Variants in ZFYVE9 observed in about 807,000 individuals in gnomAD.
The protein encoded by ZFYVE9 is zinc finger FYVE-type containing 9, also known as zinc finger FYVE domain-containing protein 9.
In ZFYVE9, 43 loss-of-function variants were observed where a neutral mutation model predicts 126.7. The ratio of observed to expected loss-of-function variants is 0.34; its 90% confidence interval spans 0.27 to 0.44. The LOEUF is 0.44. Ranked by LOEUF, ZFYVE9 falls within the 20% of genes least tolerant of loss-of-function variation. The pLI is 1.00. For missense variants in ZFYVE9, 1,476 were observed against 1,697.0 expected (o/e 0.87, Z 2.29); for synonymous variants, 521 against 597.4 (o/e 0.87, Z 1.87).
chr1:52,197,296 G>A (rs1202510037), intron 1 of ZFYVE9, among the ~76,000 whole-genome samples: 2 of 152,108 alleles, frequency 1.3e-5, no homozygotes, highest in Admixed American at 1.3e-4. Context: ...AGATGATATA[G>A]AGAATAGAGA....
intron 1 of ZFYVE9, among the ~76,000 whole-genome samples, chr1:52,160,868 G>A: frequency 6.6e-6 from 1 of 152,170 alleles, no homozygotes; most frequent in Non-Finnish European, 1.5e-5. Context: ...CATAGTAGGT[G>A]TCCAGGGAAT....
At chr1:52,182,013 C>T (rs1047085156) in intron 1 of ZFYVE9, among the ~76,000 whole-genome samples, 96 of 151,898 alleles carry the variant, frequency 6.3e-4, no homozygotes, top group Non-Finnish European at 1.2e-3. Context: ...GGTCAGCCCA[C>T]CGCCCGGCCA....
At chr1:52,177,295 A>C (rs997548200) in intron 1 of ZFYVE9, among the ~76,000 whole-genome samples, 1 of 152,090 alleles carries the variant, frequency 6.6e-6, no homozygotes, top group Non-Finnish European at 1.5e-5. Context: ...GATTACAGGC[A>C]TGAGCTACCA....
At chr1:52,175,125 T>C (rs1644612166) in intron 1 of ZFYVE9, among the ~76,000 whole-genome samples, 1 of 152,138 alleles carries the variant, frequency 6.6e-6, no homozygotes, top group Non-Finnish European at 1.5e-5. Flanking sequence ...TTTGGCATGA[T>C]TTTGCAGCGG....
intron 2 of ZFYVE9, among the ~76,000 whole-genome samples, chr1:52,221,200 T>TCTA (rs2124603758): frequency 6.6e-6 from 1 of 152,330 alleles, no homozygotes; most frequent in Admixed American, 6.5e-5. Flanking sequence ...TCTTCCTGAC[T>TCTA]CTACCTCTGT....
At chr1:52,286,855 A>T (rs35354820) in intron 10 of ZFYVE9, among the ~76,000 whole-genome samples, 3 of 151,984 alleles carry the variant, frequency 2.0e-5, no homozygotes, top group Non-Finnish European at 4.4e-5. Context: ...CCATACTTCC[A>T]TTGTAGCCAA....
intron 1 of ZFYVE9, among the ~76,000 whole-genome samples, chr1:52,176,321 A>T (rs1644627911): frequency 6.6e-6 from 1 of 152,184 alleles, no homozygotes; most frequent in African/African-American, 2.4e-5. Flanking sequence ...GATCTTGGTG[A>T]ACCGCAAATG....
intron 1 of ZFYVE9, among the ~76,000 whole-genome samples, chr1:52,209,556 T>C (rs1327432177): frequency 6.6e-6 from 1 of 152,200 alleles, no homozygotes; most frequent in Non-Finnish European, 1.5e-5. Context: ...TGGACGTGCC[T>C]ATTCTGGACA....
intron 1 of ZFYVE9, among the ~76,000 whole-genome samples, chr1:52,176,324 C>T (rs1191859803): frequency 6.6e-6 from 1 of 152,154 alleles, no homozygotes; most frequent in Non-Finnish European, 1.5e-5. Context: ...CTTGGTGAAC[C>T]GCAAATGCTG....
In ZFYVE9 at chr1:52,160,158, C is replaced by T. The variant is rs1273372230; in HGVS notation, c.-143+17755C>T. 9 of 630,500 alleles carry T rather than the reference C, an allele frequency of 1.4e-5. No individual in the cohort carries two copies. In the East Asian group the frequency reaches 2.1e-4, roughly 15 times the overall value. The allele number at this position is 630,500 out of a possible 1,614,324, so 39.1% of individuals were successfully genotyped here. On this transcript the variant is annotated intron_variant, in intron 1 of 18. Coordinates refer to ENST00000287727, the MANE Select transcript of ZFYVE9 (RefSeq NM_004799.4). ...CACATAACACTATTCTCTGGAGTAG[C>T]TGTGAAGCTCTACGAGGCTGTGAGG... is the stretch of plus-strand genomic sequence containing the variant.
At chr1:52,344,737 A>C in intron 17 of ZFYVE9, 31 bp from the exon 18 acceptor site, 1 of 1,608,938 alleles carries the variant, frequency 6.2e-7, no homozygotes, top group Non-Finnish European at 8.5e-7. Flanking sequence ...TCTAGGCACA[A>C]GTTTAAAAGT....
At chr1:52,325,470 T>G (rs1456232563) in intron 13 of ZFYVE9, among the ~76,000 whole-genome samples, 1 of 152,086 alleles carries the variant, frequency 6.6e-6, no homozygotes, top group African/African-American at 2.4e-5. Flanking sequence ...CAGTGAGCAG[T>G]GATCATGCCA....
chr1:52,325,251 G>A lies in ZFYVE9; in HGVS notation c.3439-7517G>A, dbSNP rs570825721. Among the ~76,000 whole-genome samples the A allele has an allele frequency of 2.2e-3, 335 of 152,074 alleles. 1 individual carries two copies. The highest frequency in any genetic ancestry group is 5.0e-3 in the Admixed American group (77 of 15,260). On this transcript the variant is annotated intron_variant, in intron 13 of 18. Coordinates refer to ENST00000287727, the MANE Select transcript of ZFYVE9 (RefSeq NM_004799.4). ...GCTGAGGCAGGAGAATGGTGTGAACGTGGGAGGCAGAGCTTGCAGTGAGCC... is the reference window on the plus strand; with the variant it reads ...GCTGAGGCAGGAGAATGGTGTGAACATGGGAGGCAGAGCTTGCAGTGAGCC...
chr1:52,168,819 T>C (rs1572069647), intron 1 of ZFYVE9, among the ~76,000 whole-genome samples: 1 of 152,132 alleles, frequency 6.6e-6, no homozygotes, highest in African/African-American at 2.4e-5. Context: ...CCTAGCCAGA[T>C]TAGATTCTTT....
At chr1:52,339,633 C>T (rs1002051521) in intron 16 of ZFYVE9, among the ~76,000 whole-genome samples, 1 of 152,106 alleles carries the variant, frequency 6.6e-6, no homozygotes, top group Non-Finnish European at 1.5e-5. Flanking sequence ...AAGTTCCAAG[C>T]AGTGGGTCAG....
chr1:52,204,574 A>G (rs1644955604), intron 1 of ZFYVE9, among the ~76,000 whole-genome samples: 1 of 152,054 alleles, frequency 6.6e-6, no homozygotes, highest in Non-Finnish European at 1.5e-5. Context: ...TAAAAATACA[A>G]AAATTAGCTG....
At chr1:52,210,104 TAG>T (rs910144073) in intron 1 of ZFYVE9, among the ~76,000 whole-genome samples, 10 of 152,168 alleles carry the variant, frequency 6.6e-5, no homozygotes, top group African/African-American at 2.4e-4. Context: ...CGATTGAATG[TAG>T]AGTTGGGAGG....
intron 13 of ZFYVE9, among the ~76,000 whole-genome samples, chr1:52,311,431 A>G (rs1646136241): frequency 6.6e-6 from 1 of 151,790 alleles, no homozygotes; most frequent in South Asian, 2.1e-4. Context: ...CGCCCAGCTA[A>G]TTTTTGTATT....
At chr1:52,158,996 G>C (rs913927609) in intron 1 of ZFYVE9, among the ~76,000 whole-genome samples, 1 of 152,066 alleles carries the variant, frequency 6.6e-6, no homozygotes, top group Non-Finnish European at 1.5e-5. Context: ...GTTTCACCAT[G>C]TTGGCCAGGA....
Sources: gnomAD v4.1 joint callset for allele counts (sites outside exome capture counted in the v4.1 genomes callset) on GRCh38, gnomAD v4.1.1 for gene constraint, MANE v1.5 for transcripts, NCBI Gene and HGNC (gene_info 2026-07-23, HGNC 2026-07-21) for gene names.